The following FHIT variants were observed in gnomAD, a reference collection of about 807,000 sequenced individuals.
The protein encoded by FHIT is fragile histidine triad diadenosine triphosphatase.
FHIT carries 19 observed loss-of-function variants against 17.9 expected under a neutral mutation model. That is an observed-to-expected ratio of 1.06 (90% CI 0.74 to 1.56). FHIT has a LOEUF of 1.56. FHIT is among the 40% of genes most tolerant of loss of function. FHIT has a pLI of 0.00. For synonymous variants in FHIT, 81 were observed against 69.7 expected (o/e 1.16, Z -0.81); for missense variants, 248 against 189.2 (o/e 1.31, Z -1.82).
At chr3:60,252,800 C>G (rs923975218) in intron 5 of FHIT, among the ~76,000 whole-genome samples, 5 of 151,336 alleles carry the variant, frequency 3.3e-5, no homozygotes, top group Admixed American at 6.6e-5. Flanking sequence ...ACCATCCTGG[C>G]TAACAAGGCG....
intron 3 of FHIT, among the ~76,000 whole-genome samples, chr3:61,025,922 T>C (rs1402570172): frequency 6.6e-6 from 1 of 152,170 alleles, no homozygotes; most frequent in Non-Finnish European, 1.5e-5. Context: ...AAAGAAATAA[T>C]TGTTAAATAA....
At chr3:60,845,254 T>A (rs1702884582) in intron 3 of FHIT, among the ~76,000 whole-genome samples, 1 of 150,570 alleles carries the variant, frequency 6.6e-6, no homozygotes, top group Non-Finnish European at 1.5e-5. Flanking sequence ...AAAATAAAAT[T>A]TTTTTTGTGA....
intron 5 of FHIT, among the ~76,000 whole-genome samples, chr3:60,436,656 T>C (rs1344826012): frequency 6.6e-6 from 1 of 152,144 alleles, no homozygotes; most frequent in Non-Finnish European, 1.5e-5. Flanking sequence ...TATTAAATCA[T>C]GAATGTAATG....
intron 7 of FHIT, among the ~76,000 whole-genome samples, chr3:59,932,480 T>C (rs917219114): frequency 2.0e-5 from 3 of 152,174 alleles, no homozygotes; most frequent in Non-Finnish European, 4.4e-5. Flanking sequence ...GAATGGCATA[T>C]GGGCTTCTCA....
At chr3:60,145,560 C>T (rs1446117700) in intron 5 of FHIT, among the ~76,000 whole-genome samples, 1 of 152,188 alleles carries the variant, frequency 6.6e-6, no homozygotes, top group Non-Finnish European at 1.5e-5. Context: ...AGTGCTATGA[C>T]ATAGGCATTC....
intron 5 of FHIT, among the ~76,000 whole-genome samples, chr3:60,212,152 C>T (rs1266837918): frequency 6.6e-6 from 1 of 152,164 alleles, no homozygotes; most frequent in African/African-American, 2.4e-5. Context: ...TCTCCTCAAA[C>T]TTGCATTGTA....
intron 5 of FHIT, among the ~76,000 whole-genome samples, chr3:60,120,775 C>T (rs561083623): frequency 3.3e-5 from 5 of 152,206 alleles, no homozygotes; most frequent in African/African-American, 1.2e-4. Flanking sequence ...TAAAGATGGT[C>T]CTGGGGACTA....
At position 60,515,368 on chromosome 3, in the gene FHIT, G is replaced by A. The variant is rs544782661; in HGVS notation, c.103+21492C>T. Among the ~76,000 whole-genome samples, 7 of 152,142 alleles carry A rather than the reference G, an allele frequency of 4.6e-5. No individual in the cohort carries two copies. The East Asian group carries it at 5.8e-4, about 13-fold the overall frequency. Reference sequence around the variant, plus strand: ...AGGAAAATCTATACATTTACGGGACGTGAAATGCAAGAAATTGAGGGAATT... The same window carrying A: ...AGGAAAATCTATACATTTACGGGACATGAAATGCAAGAAATTGAGGGAATT... On this transcript the variant is annotated intron_variant, in intron 5 of 9. Transcript: ENST00000492590.
chr3:61,043,754 A>G (rs944862989), intron 2 of FHIT, among the ~76,000 whole-genome samples: 11 of 152,290 alleles, frequency 7.2e-5, no homozygotes, highest in East Asian at 1.9e-4. Flanking sequence ...CACCTCACAC[A>G]GCCAAGTACC....
At chr3:60,983,716 A>C (rs1710593167) in intron 3 of FHIT, among the ~76,000 whole-genome samples, 1 of 152,158 alleles carries the variant, frequency 6.6e-6, no homozygotes, top group Non-Finnish European at 1.5e-5. Flanking sequence ...GATGGGTAGG[A>C]AGGTGATGAC....
chr3:60,466,556 C>T (rs1347879234), intron 5 of FHIT, among the ~76,000 whole-genome samples: 4 of 151,906 alleles, frequency 2.6e-5, no homozygotes, highest in African/African-American at 9.7e-5. Flanking sequence ...CTTCTATACA[C>T]AGTTTCTGTG....
At chr3:60,714,941 G>A (rs1380474305) in intron 4 of FHIT, among the ~76,000 whole-genome samples, 36 of 152,070 alleles carry the variant, frequency 2.4e-4, no homozygotes, top group Admixed American at 6.6e-4. Context: ...CTACTTTAAA[G>A]TTCATATGGA....
At chr3:60,795,200 A>T (rs1315277061) in intron 4 of FHIT, among the ~76,000 whole-genome samples, 2 of 152,206 alleles carry the variant, frequency 1.3e-5, no homozygotes, top group Middle Eastern at 3.2e-3. Context: ...GTATTCCATT[A>T]TGCAGATATA....
At chr3:60,622,409 A>T (rs1576988504) in intron 4 of FHIT, among the ~76,000 whole-genome samples, 1 of 152,100 alleles carries the variant, frequency 6.6e-6, no homozygotes, top group African/African-American at 2.4e-5. Context: ...TGCTTAGGAA[A>T]CTGCTTTTGT....
At chr3:59,911,586 C>T (rs1559723076) in intron 8 of FHIT, among the ~76,000 whole-genome samples, 2 of 152,208 alleles carry the variant, frequency 1.3e-5, no homozygotes, top group East Asian at 3.8e-4. Flanking sequence ...TGCCTCTAGA[C>T]TAAGCCTCAT....
At chr3:60,794,373 A>AATGGATGC (rs375333016) in intron 4 of FHIT, among the ~76,000 whole-genome samples, 262 of 149,618 alleles carry the variant, frequency 1.8e-3, no homozygotes, top group African/African-American at 6.3e-3. Context: ...GGGAAGGAAA[A>AATGGATGC]ATGGATGGAT....
chr3:60,901,885 C>T (rs1706131787), intron 3 of FHIT, among the ~76,000 whole-genome samples: 1 of 152,110 alleles, frequency 6.6e-6, no homozygotes, highest in Non-Finnish European at 1.5e-5. Context: ...ATTCCATAAG[C>T]TAGGAATACG....
chr3:60,812,709 CA>C (rs35204675), intron 4 of FHIT, among the ~76,000 whole-genome samples: 7,767 of 152,106 alleles, frequency 0.051, 208 homozygotes, highest in South Asian at 0.08. Context: ...AGGGAGTCCA[CA>C]AAAATAGCAC....
intron 5 of FHIT, among the ~76,000 whole-genome samples, chr3:60,274,200 A>C (rs749277763): frequency 3.3e-5 from 5 of 151,986 alleles, no homozygotes; most frequent in Non-Finnish European, 4.4e-5. Context: ...CTTTCACACC[A>C]CTTACCAGAG....
Sources: gnomAD v4.1 joint callset for allele counts (sites outside exome capture counted in the v4.1 genomes callset) on GRCh38, gnomAD v4.1.1 for gene constraint, MANE v1.5 for transcripts, NCBI Gene and HGNC (gene_info 2026-07-23, HGNC 2026-07-21) for gene names.